The following GPD2 variants were observed in gnomAD, a reference collection of about 807,000 sequenced individuals.
GPD2 encodes glycerol-3-phosphate dehydrogenase 2, also known as glycerol-3-phosphate dehydrogenase, mitochondrial.
Under a neutral mutation model 82.4 loss-of-function variants are expected in GPD2, and 54 were observed. That is an observed-to-expected ratio of 0.66 (90% confidence interval 0.53 to 0.82). The LOEUF (loss-of-function observed/expected upper bound fraction) is 0.82. Among genes scored for constraint, GPD2 ranks in the 40% least tolerant of loss-of-function variants. GPD2 has a pLI of 0.00. For synonymous variants in GPD2, 288 were observed against 306.1 expected (o/e 0.94, Z 0.62); for missense variants, 748 against 896.2 (o/e 0.83, Z 2.11).
At chr2:156,509,710 A>C (rs1684915908) in intron 3 of GPD2, among the ~76,000 whole-genome samples, 1 of 151,706 alleles carries the variant, frequency 6.6e-6, no homozygotes, top group Admixed American at 6.6e-5. Flanking sequence ...GGCATGGGCA[A>C]CTTCTAGAAC....
rs546197630 is a variant in GPD2, at chr2:156,471,328, G to A, written c.-8-4770G>A. ...CCCTCTAATTGGTCTCTCTGTCTTC[G>A]TAAGCTTCAACACTAAAAATCTACT... is the stretch of plus-strand genomic sequence containing the variant. On this transcript the variant is annotated intron_variant, in intron 1 of 16. Transcript: ENST00000438166. Among the ~76,000 whole-genome samples the A allele has an allele frequency of 3.3e-5, 5 of 152,166 alleles. No homozygotes were observed. The East Asian group carries it at 5.8e-4, about 18-fold the overall frequency.
intron 6 of GPD2, among the ~76,000 whole-genome samples, chr2:156,525,676 C>G (rs955632176): frequency 6.6e-6 from 1 of 152,118 alleles, no homozygotes; most frequent in South Asian, 2.1e-4. Flanking sequence ...TGGGGACATA[C>G]GGACAAATTA....
At chr2:156,473,003 T>G (rs1380666754) in intron 1 of GPD2, among the ~76,000 whole-genome samples, 1 of 152,172 alleles carries the variant, frequency 6.6e-6, no homozygotes, top group Non-Finnish European at 1.5e-5. Flanking sequence ...ACCTGTTACC[T>G]AGTAAATAAT....
intron 6 of GPD2, among the ~76,000 whole-genome samples, chr2:156,537,716 T>G (rs1686135918): frequency 6.6e-6 from 1 of 152,206 alleles, no homozygotes; most frequent in Non-Finnish European, 1.5e-5. Context: ...TAAAACTGTT[T>G]TGGTGAAAGA....
intron 6 of GPD2, among the ~76,000 whole-genome samples, chr2:156,520,937 G>C (rs1685385065): frequency 6.6e-6 from 1 of 152,120 alleles, no homozygotes; most frequent in Non-Finnish European, 1.5e-5. Flanking sequence ...GGTTACATAA[G>C]GTGATATAAA....
At chr2:156,433,200 G>A (rs1688337250), upstream of GPD2, among the ~76,000 whole-genome samples, 1 of 152,168 alleles carries the variant, frequency 6.6e-6, no homozygotes, top group Non-Finnish European at 1.5e-5. Flanking sequence ...TTTTAACAAA[G>A]GTGGTAACAG....
rs866042599 is a variant in GPD2 at position 156,570,130 on chromosome 2, A to G, written c.1520A>G (p.Glu507Gly). ...GCCACCTATGGTGATAAGGCCTTTG[A>G]GGTGGCCAAAATGGCAAGTGTGACT... ...LAATYGDKAF[E>G]VAKMASVTGK... The change falls in exon 12 of 17, where the codon GAG (glutamate) becomes GGG (glycine). Residue 507 changes from glutamate to glycine, a missense_variant. Glu to Gly is a moderately conservative substitution (Grantham distance 98). This residue lies in a region of GPD2 where 692 missense variants were observed against 809.7 expected (regional missense o/e 0.85). Transcript: ENST00000438166. 3.1e-6 allele frequency: 5 copies of G among 1,611,918 alleles called. No homozygotes were observed. In the Admixed American group the frequency reaches 8.3e-5, roughly 27 times the overall value.
intron 6 of GPD2, among the ~76,000 whole-genome samples, chr2:156,538,012 T>C (rs1686145926): frequency 6.6e-6 from 1 of 152,272 alleles, no homozygotes; most frequent in South Asian, 2.1e-4. Context: ...TCTAGCATAG[T>C]GCTAGATGTA....
chr2:156,494,854 T>G (rs1684311655), intron 2 of GPD2, among the ~76,000 whole-genome samples: 1 of 152,224 alleles, frequency 6.6e-6, no homozygotes. Context: ...ATTAGCATTT[T>G]GGAAAAAAAC....
At chr2:156,537,993 G>A (rs1686145293) in intron 6 of GPD2, among the ~76,000 whole-genome samples, 1 of 152,198 alleles carries the variant, frequency 6.6e-6, no homozygotes, top group Non-Finnish European at 1.5e-5. Flanking sequence ...AAAAAATATG[G>A]CAATAGCATC....
chr2:156,422,020 G>T, the GPD2 span, among the ~76,000 whole-genome samples: 2 of 152,166 alleles, frequency 1.3e-5, no homozygotes, highest in African/African-American at 4.8e-5. Flanking sequence ...CCAGCTACTT[G>T]GGAGGCGGAG....
chr2:156,431,207 T>G (rs1462771420), upstream of GPD2, among the ~76,000 whole-genome samples: 1 of 152,214 alleles, frequency 6.6e-6, no homozygotes, highest in African/African-American at 2.4e-5. Flanking sequence ...AAACATAGTT[T>G]CATTCCAAAT....
intron 3 of GPD2, among the ~76,000 whole-genome samples, chr2:156,498,353 G>A (rs1177549300): frequency 3.3e-5 from 5 of 152,082 alleles, no homozygotes; most frequent in Non-Finnish European, 5.9e-5. Context: ...GGGCCATTAC[G>A]GACACTGAAA....
chr2:156,567,723 A>G (rs1187551733), intron 9 of GPD2, among the ~76,000 whole-genome samples: 3 of 152,104 alleles, frequency 2.0e-5, no homozygotes, highest in Non-Finnish European at 4.4e-5. Flanking sequence ...TACATGAAGA[A>G]GGGCAGATTC....
chr2:156,524,704 G>A (rs901321849), intron 6 of GPD2, among the ~76,000 whole-genome samples: 4 of 152,130 alleles, frequency 2.6e-5, no homozygotes, highest in Non-Finnish European at 5.9e-5. Context: ...AATCACAAAA[G>A]CAGCCAAACT....
intron 6 of GPD2, among the ~76,000 whole-genome samples, chr2:156,529,566 T>G (rs1327937837): frequency 6.6e-6 from 1 of 152,104 alleles, no homozygotes; most frequent in Non-Finnish European, 1.5e-5. Flanking sequence ...GTTTTTATGG[T>G]TTTAATTCTA....
chr2:156,536,607 C>T (rs1308305278), intron 6 of GPD2, among the ~76,000 whole-genome samples: 1 of 152,188 alleles, frequency 6.6e-6, no homozygotes, highest in Non-Finnish European at 1.5e-5. Context: ...GGTTTCTTGA[C>T]TTTAAAATGT....
At chr2:156,558,885 G>C (rs747225837) in intron 9 of GPD2, among the ~76,000 whole-genome samples, 1 of 149,462 alleles carries the variant, frequency 6.7e-6, no homozygotes, top group Non-Finnish European at 1.5e-5. Context: ...CAAAGTGCTG[G>C]GATTACAGGA....
chr2:156,424,683 C>T, the GPD2 span, among the ~76,000 whole-genome samples: 1 of 152,130 alleles, frequency 6.6e-6, no homozygotes, highest in Non-Finnish European at 1.5e-5. Flanking sequence ...GTTTTATTGC[C>T]TTTTTAAGGT....
Sources: gnomAD v4.1 joint callset for allele counts (sites outside exome capture counted in the v4.1 genomes callset) on GRCh38, gnomAD v4.1.1 for gene constraint, gnomAD v4.1.1 regional missense constraint, MANE v1.5 for transcripts, NCBI Gene and HGNC (gene_info 2026-07-23, HGNC 2026-07-21) for gene names.